Variants in EEFSEC observed in about 807,000 individuals in gnomAD.
The protein encoded by EEFSEC is selenocysteine-specific elongation factor.
A neutral mutation model predicts 42.1 loss-of-function variants in EEFSEC; 43 were observed. The observed-to-expected ratio is 1.02, with a 90% confidence interval of 0.80 to 1.32. EEFSEC has a LOEUF of 1.32. Ranked by LOEUF, EEFSEC falls within the 40% of genes most tolerant of loss-of-function variation. EEFSEC has a pLI of 0.00. For missense variants in EEFSEC, 745 were observed against 803.6 expected (o/e 0.93, Z 0.88); for synonymous variants, 354 against 339.1 (o/e 1.04, Z -0.48).
chr3:128,195,898 G>A (rs1223769659), intron 1 of EEFSEC, among the ~76,000 whole-genome samples: 1 of 152,222 alleles, frequency 6.6e-6, no homozygotes, highest in Admixed American at 6.5e-5. Flanking sequence ...AACTATTTCA[G>A]GAAGTGTTTG....
At chr3:128,264,890 C>A in intron 4 of EEFSEC, 109 bp downstream of exon 4, 1 of 1,315,184 alleles carries the variant, frequency 7.6e-7, no homozygotes, top group Non-Finnish European at 1.0e-6. Flanking sequence ...TGCCCTGGGA[C>A]TCCCACTGCC....
intron 1 of EEFSEC, among the ~76,000 whole-genome samples, chr3:128,202,047 TTGTC>T (rs201717736): frequency 0.01 from 1,558 of 152,338 alleles, 19 homozygotes; most frequent in African/African-American, 0.033. Context: ...TTTGATTTGT[TTGTC>T]TGTCTTCACA....
At chr3:128,421,836 C>T in the EEFSEC span, among the ~76,000 whole-genome samples, 6 of 152,188 alleles carry the variant, frequency 3.9e-5, no homozygotes, top group African/African-American at 1.4e-4. Flanking sequence ...AGGGTCTCAG[C>T]CCCGGTTACC....
chr3:128,394,270 G>A (rs893537673), intron 6 of EEFSEC, among the ~76,000 whole-genome samples: 14 of 152,166 alleles, frequency 9.2e-5, no homozygotes, highest in South Asian at 2.1e-4. Flanking sequence ...GAGATGCCAC[G>A]CCACCCCTGC....
chr3:128,408,034 C>A (rs376942353), intron 6 of EEFSEC, 35 bp from the exon 7 acceptor site: 31 of 1,499,322 alleles, frequency 2.1e-5, no homozygotes, highest in Non-Finnish European at 2.3e-5. Flanking sequence ...GCTTGGGGTA[C>A]GGCAGAGTGA....
intron 1 of EEFSEC, among the ~76,000 whole-genome samples, chr3:128,189,796 G>A (rs1380484689): frequency 1.3e-5 from 2 of 152,058 alleles, no homozygotes; most frequent in African/African-American, 4.8e-5. Context: ...CTGGGCTCAA[G>A]TGATCCACCT....
rs1406888553 is a variant in EEFSEC at position 128,358,301 on chromosome 3, T to C, written c.1528T>C (p.Leu510=). 2 of 1,614,234 alleles carry C rather than the reference T, an allele frequency of 1.2e-6. No individual in the cohort carries two copies. The highest frequency in any genetic ancestry group is 2.2e-5 in the South Asian group (2 of 91,088). The part of the protein sequence containing the change: ...IQLFVGLKVH[L]STGELGIIDS... The stretch of plus-strand genomic sequence containing the variant: ...GCTCTTCGTGGGGCTCAAGGTGCAC[T>C]TGTCCACTGGGGAACTGGGCATCAT... Residue 510 remains leucine, a synonymous_variant, in exon 6 of 7, where the codon TTG becomes CTG. Transcript: ENST00000254730.
intron 1 of EEFSEC, among the ~76,000 whole-genome samples, chr3:128,233,184 C>A (rs1576566583): frequency 6.6e-6 from 1 of 152,208 alleles, no homozygotes; most frequent in African/African-American, 2.4e-5. Flanking sequence ...GAGTTCCAGG[C>A]TCAGTGCTTC....
chr3:128,404,043 G>A (rs552781589), intron 6 of EEFSEC, among the ~76,000 whole-genome samples: 60 of 152,358 alleles, frequency 3.9e-4, no homozygotes, highest in African/African-American at 1.3e-3. Flanking sequence ...GGCAGGTTGC[G>A]AGAAGCAGAG....
At chr3:128,336,200 G>GAGCTGTTCTTTACACATC (rs2067187996) in intron 4 of EEFSEC, among the ~76,000 whole-genome samples, 3 of 152,064 alleles carry the variant, frequency 2.0e-5, no homozygotes, top group Non-Finnish European at 4.4e-5. Context: ...AGAAACCTGG[G>GAGCTGTTCTTTACACATC]AGCTGTTCTT....
intron 1 of EEFSEC, among the ~76,000 whole-genome samples, chr3:128,199,525 T>G (rs945763319): frequency 6.6e-6 from 1 of 152,208 alleles, no homozygotes; most frequent in African/African-American, 2.4e-5. Context: ...GATATTCCCT[T>G]GTGTCTATTT....
intron 1 of EEFSEC, among the ~76,000 whole-genome samples, chr3:128,237,378 TG>T (rs1479152077): frequency 2.6e-5 from 4 of 152,264 alleles, no homozygotes; most frequent in Non-Finnish European, 5.9e-5. Flanking sequence ...AGTACTTTTT[TG>T]GTTTTCTGTT....
At chr3:128,386,277 C>G (rs1576691597) in intron 6 of EEFSEC, among the ~76,000 whole-genome samples, 1 of 152,130 alleles carries the variant, frequency 6.6e-6, no homozygotes, top group African/African-American at 2.4e-5. Context: ...GAAAGAATGA[C>G]CTACAAGTTG....
chr3:128,274,164 C>T (rs1291376374), intron 4 of EEFSEC, among the ~76,000 whole-genome samples: 2 of 152,228 alleles, frequency 1.3e-5, no homozygotes, highest in Admixed American at 6.5e-5. Context: ...GGCAGTGTTA[C>T]AAAGAAGTGA....
intron 1 of EEFSEC, among the ~76,000 whole-genome samples, chr3:128,235,613 G>C (rs2066000586): frequency 6.6e-6 from 1 of 152,206 alleles, no homozygotes; most frequent in Admixed American, 6.5e-5. Context: ...GCAATATACT[G>C]TGCACACAGT....
chr3:128,364,058 G>A (rs989789682), intron 6 of EEFSEC, among the ~76,000 whole-genome samples: 3 of 152,192 alleles, frequency 2.0e-5, no homozygotes, highest in East Asian at 1.9e-4. Context: ...AGCACTCTGG[G>A]AGGCCGAGGC....
chr3:128,348,271 CGTGTGCGTGTGTGTGT>C (rs1293203702), intron 5 of EEFSEC, among the ~76,000 whole-genome samples: 1 of 147,702 alleles, frequency 6.8e-6, no homozygotes, highest in African/African-American at 2.5e-5. Context: ...TGTGTGTGTG[CGTGTGCGTGTGTGTGT>C]GTGTGCGTGT....
chr3:128,289,432 G>C (rs2066620287), intron 4 of EEFSEC, among the ~76,000 whole-genome samples: 1 of 152,212 alleles, frequency 6.6e-6, no homozygotes, highest in Non-Finnish European at 1.5e-5. Flanking sequence ...GAGGCAGATG[G>C]AGGGAAGCAG....
chr3:128,217,683 C>T (rs539930086), intron 1 of EEFSEC, among the ~76,000 whole-genome samples: 1 of 152,240 alleles, frequency 6.6e-6, no homozygotes, highest in African/African-American at 2.4e-5. Context: ...ATAGCACCAG[C>T]CCCCCCTGGT....
Sources: gnomAD v4.1 joint callset for allele counts (sites outside exome capture counted in the v4.1 genomes callset) on GRCh38, gnomAD v4.1.1 for gene constraint, MANE v1.5 for transcripts, NCBI Gene and HGNC (gene_info 2026-07-23, HGNC 2026-07-21) for gene names.